HMCN1: variants seen among roughly 807,000 people sequenced by gnomAD.
The protein encoded by HMCN1 is hemicentin-1.
HMCN1 carries 321 observed loss-of-function variants against 625.9 expected under a neutral mutation model. The observed-to-expected ratio is 0.51, with a 90% CI of 0.47 to 0.56. The LOEUF (loss-of-function observed/expected upper bound fraction) is 0.56, where lower values mean the gene tolerates loss of function less well. Among genes scored for constraint, HMCN1 ranks in the 20% least tolerant of loss-of-function variants. The probability of loss-of-function intolerance (pLI) is 0.00; values close to 1 mark genes in which losing one functional copy is unlikely to be tolerated. For missense variants in HMCN1, 6,588 were observed against 6,887.3 expected (o/e 0.96, Z 1.54); for synonymous variants, 2,425 against 2,417.6 (o/e 1.00, Z -0.09).
At chr1:185,847,322 C>T (rs1203688782) in intron 2 of HMCN1, among the ~76,000 whole-genome samples, 1 of 152,152 alleles carries the variant, frequency 6.6e-6, no homozygotes, top group Non-Finnish European at 1.5e-5. Context: ...CCACCTAACT[C>T]AAATGGACTC....
chr1:185,889,238 A>G (rs1269936856), intron 4 of HMCN1, among the ~76,000 whole-genome samples: 227 of 140,930 alleles, frequency 1.6e-3, no homozygotes, highest in African/African-American at 7.0e-3. Context: ...CTAGATATAC[A>G]ATCATGTCAT....
intron 1 of HMCN1, among the ~76,000 whole-genome samples, chr1:185,795,364 A>C (rs1658299531): frequency 6.6e-6 from 1 of 152,210 alleles, no homozygotes; most frequent in South Asian, 2.1e-4. Context: ...AGTCATTTTA[A>C]ATTCTCTTCC....
intron 11 of HMCN1, among the ~76,000 whole-genome samples, chr1:185,951,441 C>T (rs911433475): frequency 2.7e-4 from 40 of 150,650 alleles, no homozygotes; most frequent in South Asian, 8.5e-4. Context: ...TAATGTGGAG[C>T]GGGTAGCCTC....
chr1:185,832,094 G>A (rs773883098), intron 1 of HMCN1, among the ~76,000 whole-genome samples: 7 of 152,098 alleles, frequency 4.6e-5, no homozygotes, highest in East Asian at 1.9e-4. Flanking sequence ...TCGGAAGTTC[G>A]AGACCAGCCT....
chr1:186,007,051 A>G, intron 29 of HMCN1, 77 bp from the exon 30 acceptor site: 1 of 1,101,722 alleles, frequency 9.1e-7, no homozygotes, highest in Non-Finnish European at 1.4e-6. Flanking sequence ...AGCCTGTACT[A>G]ATGATTTTTG....
In HMCN1 at chr1:186,016,912, G is replaced by GT. The variant is rs764205177; in HGVS notation, c.5192-45dup. 3 of 1,000,444 alleles carry GT rather than the reference G, an allele frequency of 3.0e-6. No homozygotes were observed. In the South Asian group the frequency reaches 3.8e-5, roughly 13 times the overall value. 62.0% of individuals were successfully genotyped at this position (1,000,444 alleles called of 1,614,324 possible). ...GTATTATTGCTTCATATGATGGTGT[G>GT]TTTTTTGTTGTATACATTTCTTTGC... is the stretch of plus-strand genomic sequence containing the variant. On this transcript the variant is annotated intron_variant, in intron 32 of 106. Transcript: ENST00000271588.
chr1:185,786,217 C>G (rs768085201), intron 1 of HMCN1, among the ~76,000 whole-genome samples: 1 of 152,072 alleles, frequency 6.6e-6, no homozygotes, highest in Non-Finnish European at 1.5e-5. Context: ...AATCGAAGGC[C>G]CAGAAATCAT....
chr1:186,153,361 G>C (rs1158658850), intron 96 of HMCN1, among the ~76,000 whole-genome samples: 1 of 152,028 alleles, frequency 6.6e-6, no homozygotes, highest in African/African-American at 2.4e-5. Context: ...TATTATACAA[G>C]TTTTATTAGC....
intron 68 of HMCN1, among the ~76,000 whole-genome samples, chr1:186,102,365 G>A (rs1660421562): frequency 6.6e-6 from 1 of 152,086 alleles, no homozygotes; most frequent in Non-Finnish European, 1.5e-5. Flanking sequence ...GAGACTAACA[G>A]ATGGTAGAAA....
At chr1:186,040,889 C>G in intron 39 of HMCN1, 124 bp from the exon 40 acceptor site, 1 of 1,003,314 alleles carries the variant, frequency 1.0e-6, no homozygotes, top group Non-Finnish European at 1.6e-6. Flanking sequence ...TAAAAATGTC[C>G]AAGGGAAAAT....
intron 88 of HMCN1, 50 bp from the exon 89 acceptor site, chr1:186,137,752 T>C: frequency 1.2e-6 from 2 of 1,613,946 alleles, no homozygotes; most frequent in Non-Finnish European, 1.7e-6. Context: ...CCAGTGTAAG[T>C]ATTCCCAATT....
intron 1 of HMCN1, among the ~76,000 whole-genome samples, chr1:185,806,710 A>G (rs1419392736): frequency 6.6e-6 from 1 of 152,078 alleles, no homozygotes; most frequent in African/African-American, 2.4e-5. Context: ...ACTGGTTTGC[A>G]TTTTAGAAAG....
At chr1:185,812,800 C>T (rs1659606667) in intron 1 of HMCN1, among the ~76,000 whole-genome samples, 2 of 149,016 alleles carry the variant, frequency 1.3e-5, no homozygotes, top group Non-Finnish European at 3.0e-5. Flanking sequence ...TGTTTGCAAT[C>T]CCCCCCCACA....
chr1:186,180,507 G>A (rs555975595), intron 104 of HMCN1, among the ~76,000 whole-genome samples: 31 of 152,264 alleles, frequency 2.0e-4, no homozygotes, highest in African/African-American at 7.5e-4. Flanking sequence ...TTATCAGAAG[G>A]TCCAAGTTAT....
intron 81 of HMCN1, among the ~76,000 whole-genome samples, chr1:186,124,348 G>A (rs1558241380): frequency 6.6e-6 from 1 of 151,946 alleles, no homozygotes. Flanking sequence ...ATATCAAAAT[G>A]TACAGTGTGT....
At chr1:186,162,891 T>C (rs1325565595) in intron 97 of HMCN1, among the ~76,000 whole-genome samples, 1 of 152,200 alleles carries the variant, frequency 6.6e-6, no homozygotes, top group African/African-American at 2.4e-5. Context: ...GTCTGCCCAT[T>C]CTCAGATCTC....
chr1:186,002,148 G>A (rs1653243930), intron 28 of HMCN1, among the ~76,000 whole-genome samples: 1 of 152,002 alleles, frequency 6.6e-6, no homozygotes, highest in Admixed American at 6.6e-5. Context: ...TACTTGAACT[G>A]GAAAAGGTAG....
intron 11 of HMCN1, among the ~76,000 whole-genome samples, chr1:185,944,976 T>C (rs1456618545): frequency 6.6e-6 from 1 of 152,238 alleles, no homozygotes; most frequent in Non-Finnish European, 1.5e-5. Flanking sequence ...TGTGTTGCTA[T>C]TTTATAAATT....
At chr1:185,774,869 A>G (rs1222277929) in intron 1 of HMCN1, among the ~76,000 whole-genome samples, 1 of 152,182 alleles carries the variant, frequency 6.6e-6, no homozygotes, top group African/African-American at 2.4e-5. Flanking sequence ...GTTAGAATAA[A>G]TCATTAGCCA....
Sources: allele counts gnomAD v4.1 joint callset (sites outside exome capture counted in the v4.1 genomes callset), GRCh38; gene constraint gnomAD v4.1.1; transcripts MANE v1.5; gene names NCBI Gene and HGNC (gene_info 2026-07-23, HGNC 2026-07-21).